Variants in THBS3 observed in about 807,000 individuals in gnomAD.
THBS3 encodes the protein thrombospondin-3.
A neutral mutation model predicts 118.3 loss-of-function variants in THBS3; 78 were observed. The observed-to-expected ratio is 0.66, with a 90% CI of 0.55 to 0.80. The LOEUF (loss-of-function observed/expected upper bound fraction) is 0.80. THBS3 is among the 30% of genes least tolerant of loss of function. The pLI is 0.00. For synonymous variants in THBS3, 427 were observed against 475.3 expected, an observed-to-expected ratio of 0.90 and a Z score of 1.32; for missense variants, 1,057 against 1,247.4, an observed-to-expected ratio of 0.85 and a Z score of 2.30.
chr1:155,200,373 C>G, intron 14 of THBS3, 78 bp downstream of exon 14: 4 of 1,548,118 alleles, frequency 2.6e-6, no homozygotes, highest in Non-Finnish European at 3.5e-6. Flanking sequence ...CAGAGACTTC[C>G]TAGCTTCCCT....
At chr1:155,204,724 C>T (rs1670292522) in intron 4 of THBS3, 131 bp downstream of exon 4, 1 of 827,230 alleles carries the variant, frequency 1.2e-6, no homozygotes, top group Non-Finnish European at 2.0e-6. Context: ...TTTGGAATAA[C>T]AGGGTTAGAA....
Position 155,201,067 on chromosome 1 carries a change from G to A in THBS3, c.1440+27C>T, listed in dbSNP as rs368160778. 7 of 1,614,022 alleles carry A rather than the reference G, an allele frequency of 4.3e-6. No individual in the cohort carries two copies. The African/African-American group carries it at 8.0e-5, about 18-fold the overall frequency. On this transcript the variant is annotated intron_variant, in intron 12 of 22. Coordinates refer to ENST00000368378, the MANE Select transcript of THBS3 (RefSeq NM_007112.5). Reference sequence around the variant, plus strand: ...TGACCCAGCTTGGGCTCCCCACTACGCCCCCTTGCCCGCCTGCTCCCTGCA... The same window carrying A: ...TGACCCAGCTTGGGCTCCCCACTACACCCCCTTGCCCGCCTGCTCCCTGCA...
chr1:155,204,165 C>T (rs1409548216), intron 4 of THBS3, among the ~76,000 whole-genome samples: 1 of 152,046 alleles, frequency 6.6e-6, no homozygotes, highest in African/African-American at 2.4e-5. Context: ...CAAGAGCTCT[C>T]CCTCAAATAT....
rs1669802689 is a variant in THBS3 at position 155,201,941 on chromosome 1, A to G, written c.1176+16T>C. ...ATTCCCACCACCCCAGAATACACTC[A>G]GGATATTCAGCTCACCACAGTGTTG... On this transcript the variant is annotated intron_variant, in intron 10 of 22. Transcript: ENST00000368378. The G allele has an allele frequency of 1.9e-6, 3 of 1,613,908 alleles. No individual in the cohort carries two copies. The highest frequency in any genetic ancestry group is 1.1e-5 in the South Asian group (1 of 91,084).
At position 155,201,447 on chromosome 1, in the gene THBS3, G is replaced by A. The variant is rs747712949; in HGVS notation, c.1299C>T (p.Leu433=). ...HSPCHIHAHC[L]FERNGAVSCQ... is the part of the protein sequence containing the mutation. ...AGGACACTGCACCATTGCGTTCAAA[G>A]AGACAGTGAGCATGGATGTGGCAGG... The change falls in exon 11 of 23, where the codon CTC becomes CTT. Residue 433 remains leucine, a synonymous_variant. Coordinates refer to ENST00000368378, the MANE Select transcript of THBS3 (RefSeq NM_007112.5). The A allele has an allele frequency of 1.9e-6, 3 of 1,612,272 alleles. No individual in the cohort carries two copies. The Admixed American group carries it at 5.0e-5, about 27-fold the overall frequency.
rs1321482418 is a variant in THBS3, at chr1:155,207,866, T to C, written c.11A>G (p.Gln4Arg). The C allele has an allele frequency of 6.2e-7, 1 of 1,613,898 alleles. No homozygotes were observed. The highest frequency in any genetic ancestry group is 8.5e-7 in the Non-Finnish European group (1 of 1,179,978). The change falls in exon 1 of 23, where the codon CAG (glutamine) becomes CGG (arginine). Residue 4 changes from glutamine to arginine, a missense_variant. By Grantham distance (43) the Gln-to-Arg change is conservative. Transcript: ENST00000368378. MET[Q>R]ELRGALALLL... ...AAGAGCCAGGGCCCCCCGAAGTTCC[T>C]GCGTCTCCATGCCTCTCAGCCGGCT...
rs1378441842 is a variant in THBS3 at position 155,197,516 on chromosome 1, AGGTCTGCTC to A, written c.2437_2445del (p.Glu813_Thr815del). 6.2e-7 allele frequency: 1 copy of A among 1,614,108 alleles called. No homozygotes were observed. The highest frequency in any genetic ancestry group is 8.5e-7 in the Non-Finnish European group (1 of 1,180,014). On this transcript the variant is annotated inframe_deletion, in exon 20 of 23. Coordinates refer to ENST00000368378, the MANE Select transcript of THBS3 (RefSeq NM_007112.5). This position sits in a 1 kb window ranked among gnomAD's most constrained non-coding sequence, Gnocchi z 5.0. ...GCCCGGAAGGGTGTAGCCTGCCAGT[AGGTCTGCTC>A]GGTCTGCTTCCACATGACTACGTAG...
In THBS3 at chr1:155,202,702, T is replaced by G; in HGVS notation, c.957+110A>C. The G allele has an allele frequency of 6.8e-7, 1 of 1,467,788 alleles. No homozygotes were observed. The highest frequency in any genetic ancestry group is 1.4e-5 in the South Asian group (1 of 73,920). 90.9% of individuals were successfully genotyped at this position (1,467,788 alleles called of 1,614,324 possible). A position where few individuals can be genotyped will look rare whatever the true frequency, so the allele number is the denominator to read the frequency against. ...CATTTCTCTTGCCTCTGACCTCTCC[T>G]AAACTCCAGATTCCTCTCCTCCGGA... On this transcript the variant is annotated intron_variant, in intron 8 of 22. Transcript: ENST00000368378. The surrounding 1 kb of genome is among the most constrained non-coding windows in gnomAD (Gnocchi z 5.5).
In THBS3 at chr1:155,197,378, A is replaced by G. The variant is rs370324392; in HGVS notation, c.2499+85T>C. The G allele has an allele frequency of 4.5e-6, 7 of 1,547,728 alleles. No individual in the cohort carries two copies. In the African/African-American group the frequency reaches 8.2e-5, roughly 18 times the overall value. ...CAGATGTCTGGGTAAGAGGGTTCCC[A>G]GTCAAGCAGTGGGGGAGGCCCTGGG... On this transcript the variant is annotated intron_variant, in intron 20 of 22. Transcript: ENST00000368378. The surrounding 1 kb of genome is among the most constrained non-coding windows in gnomAD (Gnocchi z 5.0).
At chr1:155,207,161 G>A (rs1052713585) in intron 1 of THBS3, among the ~76,000 whole-genome samples, 5 of 152,162 alleles carry the variant, frequency 3.3e-5, no homozygotes, top group Non-Finnish European at 5.9e-5. Context: ...TCCTAGGGGC[G>A]CAGCACACTC....
In THBS3 at chr1:155,197,884, T is replaced by C. The variant is rs1462381633; in HGVS notation, c.2298A>G (p.Ala766=). Residue 766 remains alanine (A), a synonymous_variant, in exon 19 of 23, where the codon GCA becomes GCG. Transcript: ENST00000368378. This position sits in a 1 kb window ranked among gnomAD's most constrained non-coding sequence, Gnocchi z 5.0. ...VQTMNSDPGL[A]VGYTAFNGVD... The stretch of plus-strand genomic sequence containing the variant: ...AACTGCATATCCCTTACATACCAAC[T>C]GCCAAGCCAGGGTCACTGTTCATGG... 1.2e-6 allele frequency: 2 copies of C among 1,613,996 alleles called. No individual in the cohort carries two copies. Among genetic ancestry groups the C allele is most frequent in the South Asian group, 2.2e-5 (2 of 91,080 alleles).
chr1:155,205,390 T>A, intron 2 of THBS3, 74 bp from the exon 3 acceptor site: 1 of 1,563,874 alleles, frequency 6.4e-7, no homozygotes, highest in Non-Finnish European at 8.7e-7. Context: ...GGATCAACTC[T>A]GCTAGATACC....
chr1:155,202,501 C>T lies in THBS3; in HGVS notation c.958-100G>A. 2.0e-6 allele frequency: 3 copies of T among 1,496,420 alleles called. No homozygotes were observed. The highest frequency in any genetic ancestry group is 1.3e-5 in the South Asian group (1 of 78,512). 92.7% of individuals were successfully genotyped at this position (1,496,420 alleles called of 1,614,324 possible). On this transcript the variant is annotated intron_variant, in intron 8 of 22. Coordinates refer to ENST00000368378, the MANE Select transcript of THBS3 (RefSeq NM_007112.5). The surrounding 1 kb of genome is among the most constrained non-coding windows in gnomAD (Gnocchi z 5.5). ...CATTGCTCCAGGTCTCCCCTTTGTG[C>T]AGCTCTCCCCACACAACTGCCTTGT...
chr1:155,207,531 G>A (rs1670736674), intron 1 of THBS3, among the ~76,000 whole-genome samples: 1 of 152,030 alleles, frequency 6.6e-6, no homozygotes, highest in African/African-American at 2.4e-5. Context: ...AACCACCCCA[G>A]CCAGGCAGCC....
At position 155,195,736 on chromosome 1, in the gene THBS3, T is replaced by C; in HGVS notation, c.*105A>G. The C allele has an allele frequency of 1.6e-6, 2 of 1,250,060 alleles. No homozygotes were observed. Among genetic ancestry groups the C allele is most frequent in the Non-Finnish European group, 2.3e-6 (2 of 877,594 alleles). The allele number at this position is 1,250,060 out of a possible 1,614,324, so 77.4% of individuals were successfully genotyped here. ...ACTCCTTTTGGGAGCCAGAGAAGGGTCTGTGGTTGGCTGAGGGGCTGTAGC... is the reference window on the plus strand; with the variant it reads ...ACTCCTTTTGGGAGCCAGAGAAGGGCCTGTGGTTGGCTGAGGGGCTGTAGC... On this transcript the variant is annotated 3_prime_UTR_variant, in exon 23 of 23. Transcript: ENST00000368378.
intron 1 of THBS3, among the ~76,000 whole-genome samples, chr1:155,207,160 C>T (rs1670669924): frequency 1.3e-5 from 2 of 152,208 alleles, no homozygotes; most frequent in South Asian, 2.1e-4. Context: ...ATCCTAGGGG[C>T]GCAGCACACT....
intron 14 of THBS3, 156 bp downstream of exon 14, chr1:155,200,295 A>C: frequency 2.9e-6 from 3 of 1,046,010 alleles, no homozygotes; most frequent in Non-Finnish European, 4.2e-6. Context: ...TCACATTCCT[A>C]TTGACATCTG....
chr1:155,208,536 G>A (rs896061035), upstream of THBS3, among the ~76,000 whole-genome samples: 1 of 152,212 alleles, frequency 6.6e-6, no homozygotes, highest in Non-Finnish European at 1.5e-5. Flanking sequence ...GGGACACCAG[G>A]GACAGGCGCA....
rs562618046 is a variant in THBS3 at position 155,200,198 on chromosome 1, C to T, written c.1709-85G>A. On this transcript the variant is annotated intron_variant, in intron 14 of 22. Transcript: ENST00000368378. ...TTGGTGAAAGTCCCGAACTTTGTCTCCCCACCCAGAGGACAACTGGCCAGG... is the reference window on the plus strand; with the variant it reads ...TTGGTGAAAGTCCCGAACTTTGTCTTCCCACCCAGAGGACAACTGGCCAGG... 3.2e-4 allele frequency: 412 copies of T among 1,283,238 alleles called. 5 individuals are homozygous for T. In the South Asian group the frequency reaches 4.9e-3, roughly 15 times the overall value. The allele number at this position is 1,283,238 out of a possible 1,614,324, so 79.5% of individuals were successfully genotyped here.
Sources: allele counts gnomAD v4.1 joint callset (sites outside exome capture counted in the v4.1 genomes callset), GRCh38; gene constraint gnomAD v4.1.1; non-coding constraint Gnocchi (gnomAD v3.1); transcripts MANE v1.5; gene names NCBI Gene and HGNC (gene_info 2026-07-23, HGNC 2026-07-21).